The following BCO1 variants were observed in gnomAD, a reference collection of about 807,000 sequenced individuals.
The protein encoded by BCO1 is beta-carotene oxygenase 1, also known as beta,beta-carotene 15,15'-dioxygenase.
A neutral mutation model predicts 56.3 loss-of-function variants in BCO1; 54 were observed. That is an observed-to-expected ratio of 0.96 (90% CI 0.77 to 1.20). The LOEUF (loss-of-function observed/expected upper bound fraction) is 1.20. Among genes scored for constraint, BCO1 ranks in the 50% most tolerant of loss-of-function variants. BCO1 has a pLI of 0.00. For synonymous variants in BCO1, 318 were observed against 266.1 expected, an observed-to-expected ratio of 1.20 and a Z score of -1.90; for missense variants, 801 against 690.9, an observed-to-expected ratio of 1.16 and a Z score of -1.79.
intron 8 of BCO1, among the ~76,000 whole-genome samples, chr16:81,283,128 C>T (rs1398448654): frequency 6.6e-6 from 1 of 152,202 alleles, no homozygotes; most frequent in Non-Finnish European, 1.5e-5. Flanking sequence ...TCCATATCAT[C>T]TAGAATGTTC....
At chr16:81,252,124 C>T (rs1035619338) in intron 2 of BCO1, among the ~76,000 whole-genome samples, 7 of 152,050 alleles carry the variant, frequency 4.6e-5, no homozygotes, top group African/African-American at 1.7e-4. Context: ...CTGTGGTCAC[C>T]AGGCACTCCA....
At chr16:81,281,392 G>T (rs941532413) in intron 8 of BCO1, among the ~76,000 whole-genome samples, 1 of 152,208 alleles carries the variant, frequency 6.6e-6, no homozygotes, top group Admixed American at 6.5e-5. Flanking sequence ...ATTGCAGTGA[G>T]TTGAGATTGT....
At chr16:81,265,359 C>T (rs1906747064) in intron 5 of BCO1, among the ~76,000 whole-genome samples, 2 of 149,230 alleles carry the variant, frequency 1.3e-5, no homozygotes, top group South Asian at 4.3e-4. Flanking sequence ...ACCCACCCAT[C>T]CACCCATCCA....
chr16:81,267,978 G>A lies in BCO1; in HGVS notation c.690G>A (p.Leu230=). ...EVFCSIPSRS[L]LSPSYYHSFG... ...TCTGCTCCATCCCATCCCGCTCCCT[G>A]CTCTCCCCAAGCTACTACCACAGCT... The change falls in exon 6 of 11, where the codon CTG becomes CTA. Residue 230 remains leucine, a synonymous_variant. Coordinates refer to ENST00000258168, the MANE Select transcript of BCO1 (RefSeq NM_017429.3). The A allele has an allele frequency of 6.2e-7, 1 of 1,613,898 alleles. No individual in the cohort carries two copies. Among genetic ancestry groups the A allele is most frequent in the Non-Finnish European group, 8.5e-7 (1 of 1,180,000 alleles).
intron 6 of BCO1, 54 bp from the exon 7 acceptor site, chr16:81,270,105 C>A: frequency 2.5e-6 from 4 of 1,610,870 alleles, no homozygotes; most frequent in Non-Finnish European, 3.4e-6. Flanking sequence ...CCAGATGCCA[C>A]AGTGCCAGGC....
chr16:81,281,335 A>G (rs922243846), intron 8 of BCO1, among the ~76,000 whole-genome samples: 1 of 152,132 alleles, frequency 6.6e-6, no homozygotes, highest in Admixed American at 6.6e-5. Flanking sequence ...GGTCCCAGCT[A>G]CTCAGGAGGC....
intron 5 of BCO1, among the ~76,000 whole-genome samples, chr16:81,265,676 G>C (rs73599393): frequency 0.038 from 4,124 of 107,906 alleles, 182 homozygotes; most frequent in African/African-American, 0.13. Flanking sequence ...CCATCCATCC[G>C]TCCACCCACC....
At chr16:81,281,208 A>G (rs1447045800) in intron 8 of BCO1, among the ~76,000 whole-genome samples, 1 of 152,092 alleles carries the variant, frequency 6.6e-6, no homozygotes, top group Admixed American at 6.6e-5. Context: ...CACTTTGGGA[A>G]GCTGAGGGAG....
chr16:81,240,998 C>A (rs993045929), intron 1 of BCO1, among the ~76,000 whole-genome samples: 11 of 151,806 alleles, frequency 7.2e-5, no homozygotes, highest in African/African-American at 2.7e-4. Flanking sequence ...CCACACCCGG[C>A]TAATTTTGTA....
At chr16:81,281,447 C>A (rs1261684859) in intron 8 of BCO1, among the ~76,000 whole-genome samples, 5 of 151,938 alleles carry the variant, frequency 3.3e-5, no homozygotes, top group Non-Finnish European at 5.9e-5. Context: ...CACTGTCTCA[C>A]AAAAATAAAA....
At chr16:81,282,443 C>T (rs1038519360) in intron 8 of BCO1, among the ~76,000 whole-genome samples, 3 of 152,134 alleles carry the variant, frequency 2.0e-5, no homozygotes, top group Non-Finnish European at 4.4e-5. Flanking sequence ...TCAGCTGCCC[C>T]ATGCCAGGAG....
At chr16:81,273,186 T>A (rs1350184622) in intron 7 of BCO1, among the ~76,000 whole-genome samples, 1 of 152,200 alleles carries the variant, frequency 6.6e-6, no homozygotes, top group Non-Finnish European at 1.5e-5. Context: ...TTTCACCATG[T>A]TGGCCAGGCT....
chr16:81,252,880 C>T (rs1038088761), intron 2 of BCO1, among the ~76,000 whole-genome samples: 9 of 152,022 alleles, frequency 5.9e-5, no homozygotes, highest in African/African-American at 1.2e-4. Flanking sequence ...TAAAACTGCC[C>T]ACCTCACCAC....
intron 2 of BCO1, among the ~76,000 whole-genome samples, chr16:81,245,849 CTTTTTTTTT>C (rs1176582576): frequency 1.3e-3 from 120 of 93,386 alleles, no homozygotes; most frequent in African/African-American, 3.7e-3. Flanking sequence ...CCATCTCTGT[CTTTTTTTTT>C]TTTTTTTTTT....
intron 10 of BCO1, among the ~76,000 whole-genome samples, chr16:81,287,850 G>A (rs571356188): frequency 1.1e-3 from 161 of 152,228 alleles, no homozygotes; most frequent in African/African-American, 3.8e-3. Flanking sequence ...AATACTCACC[G>A]AGTATTACTG....
At chr16:81,272,113 C>CTTTTT (rs35402352) in intron 7 of BCO1, among the ~76,000 whole-genome samples, 4 of 111,314 alleles carry the variant, frequency 3.6e-5, no homozygotes, top group African/African-American at 6.9e-5. Context: ...TCTTTTCTTT[C>CTTTTT]TTTTTTTTTT....
intron 2 of BCO1, among the ~76,000 whole-genome samples, chr16:81,253,266 T>A (rs1905922406): frequency 6.6e-6 from 1 of 152,134 alleles, no homozygotes; most frequent in Non-Finnish European, 1.5e-5. Context: ...GAAGCCTTGA[T>A]CACTCTGTCT....
chr16:81,247,275 G>C (rs9924998), intron 2 of BCO1, among the ~76,000 whole-genome samples: 3,209 of 152,236 alleles, frequency 0.021, 108 homozygotes, highest in African/African-American at 0.072. Flanking sequence ...AGTAAAATGA[G>C]CTTGTTCATC....
intron 8 of BCO1, among the ~76,000 whole-genome samples, chr16:81,281,960 C>T (rs1409709977): frequency 1.3e-5 from 2 of 152,242 alleles, no homozygotes; most frequent in Non-Finnish European, 2.9e-5. Context: ...GCTGTGCTCA[C>T]AGCGTATCAG....
Sources: gnomAD v4.1 joint callset for allele counts (sites outside exome capture counted in the v4.1 genomes callset) on GRCh38, gnomAD v4.1.1 for gene constraint, MANE v1.5 for transcripts, NCBI Gene and HGNC (gene_info 2026-07-23, HGNC 2026-07-21) for gene names.